The following ADGRG6 variants were observed in gnomAD, a reference collection of about 807,000 sequenced individuals.
ADGRG6 encodes the protein adhesion G protein-coupled receptor G6, also known as G-protein coupled receptor 126.
In ADGRG6, 84 loss-of-function variants were observed where a neutral mutation model predicts 142.4. That is an observed-to-expected ratio of 0.59 (90% confidence interval 0.49 to 0.71). ADGRG6 has a LOEUF of 0.71. Among genes scored for constraint, ADGRG6 ranks in the 30% least tolerant of loss-of-function variants. The probability of loss-of-function intolerance (pLI) is 0.00; values close to 1 mark genes in which losing one functional copy is unlikely to be tolerated. For missense variants in ADGRG6, 1,367 were observed against 1,466.6 expected (o/e 0.93, Z 1.11); for synonymous variants, 521 against 520.5 (o/e 1.00, Z -0.01).
chr6:142,431,121 ATC>A (rs1777186170), intron 22 of ADGRG6, among the ~76,000 whole-genome samples: 1 of 151,828 alleles, frequency 6.6e-6, no homozygotes, highest in South Asian at 2.1e-4. Context: ...CTAAGCATAT[ATC>A]TCTGATTAGT....
intron 2 of ADGRG6, among the ~76,000 whole-genome samples, chr6:142,327,564 A>G (rs1175072034): frequency 6.6e-6 from 1 of 151,866 alleles, no homozygotes; most frequent in Non-Finnish European, 1.5e-5. Context: ...TAGCACCAGA[A>G]CTCTTCTACC....
chr6:142,351,876 T>C (rs983070119), intron 2 of ADGRG6, among the ~76,000 whole-genome samples: 2 of 152,170 alleles, frequency 1.3e-5, no homozygotes, highest in African/African-American at 4.8e-5. Flanking sequence ...TACTCATCAC[T>C]AATCATTAGA....
chr6:142,302,382 A>G, intron 1 of ADGRG6, 51 bp downstream of exon 1: 1 of 1,597,992 alleles, frequency 6.3e-7, no homozygotes, highest in Non-Finnish European at 8.5e-7. Context: ...ATCTGTGTCC[A>G]CCTTCTGTCG....
At chr6:142,408,118 A>T in intron 15 of ADGRG6, 32 bp from the exon 16 acceptor site, 1 of 1,513,834 alleles carries the variant, frequency 6.6e-7, no homozygotes, top group Non-Finnish European at 8.9e-7. Flanking sequence ...TGTACTTCTG[A>T]CTGATACACG....
chr6:142,372,974 T>A (rs1781325825), intron 4 of ADGRG6, among the ~76,000 whole-genome samples: 2 of 152,220 alleles, frequency 1.3e-5, no homozygotes, highest in African/African-American at 4.8e-5. Flanking sequence ...ATACTTATAT[T>A]TAAATTGAAC....
intron 2 of ADGRG6, among the ~76,000 whole-genome samples, chr6:142,343,891 C>G (rs1779775300): frequency 6.6e-6 from 1 of 151,888 alleles, no homozygotes; most frequent in African/African-American, 2.4e-5. Flanking sequence ...AACATTAAGA[C>G]TTAGAAAACT....
rs755243417 is a variant in ADGRG6, at chr6:142,403,839, G to C, written c.1993G>C (p.Asp665His). The stretch of plus-strand genomic sequence containing the variant: ...AATTGATGAATTGGCCTTCAAGATA[G>C]ACCTAAATAGCACATCACATGTGAA... ...KTIDELAFKIDLNSTSHVNIT... is the reference protein window; with the variant it reads ...KTIDELAFKIHLNSTSHVNIT... Residue 665 changes from aspartate (D) to histidine (H), a missense_variant, in exon 14 of 25, where the codon GAC becomes CAC. Coordinates refer to ENST00000367609, the MANE Select transcript of ADGRG6 (RefSeq NM_198569.3). 8.1e-6 allele frequency: 13 copies of C among 1,605,266 alleles called. No individual in the cohort carries two copies. Among genetic ancestry groups the C allele is most frequent in the East Asian group, 4.5e-5 (2 of 44,736 alleles).
intron 2 of ADGRG6, among the ~76,000 whole-genome samples, chr6:142,360,743 C>T (rs1265195243): frequency 2.0e-5 from 3 of 152,132 alleles, no homozygotes; most frequent in Non-Finnish European, 1.5e-5. Flanking sequence ...ACTGAAACTC[C>T]ACCTCCTGGG....
chr6:142,412,147 T>A (rs1461486865), intron 18 of ADGRG6, among the ~76,000 whole-genome samples: 1 of 152,222 alleles, frequency 6.6e-6, no homozygotes, highest in Non-Finnish European at 1.5e-5. Flanking sequence ...ATCCAGCGAC[T>A]TCTTTGAACT....
intron 4 of ADGRG6, among the ~76,000 whole-genome samples, chr6:142,374,434 A>C (rs183056650): frequency 6.6e-6 from 1 of 152,162 alleles, no homozygotes; most frequent in Non-Finnish European, 1.5e-5. Context: ...GAAGTTTTGG[A>C]TTTTTCTGGT....
At chr6:142,325,336 A>G (rs1371460851) in intron 2 of ADGRG6, among the ~76,000 whole-genome samples, 1 of 152,064 alleles carries the variant, frequency 6.6e-6, no homozygotes, top group Admixed American at 6.6e-5. Flanking sequence ...AGCTTCCACC[A>G]AGCTCCACCT....
At chr6:142,382,489 T>C (rs564668977) in intron 5 of ADGRG6, among the ~76,000 whole-genome samples, 24 of 152,330 alleles carry the variant, frequency 1.6e-4, no homozygotes, top group African/African-American at 5.8e-4. Flanking sequence ...AAGATTAAAA[T>C]GGTTATAGTG....
intron 22 of ADGRG6, among the ~76,000 whole-genome samples, chr6:142,428,479 A>C (rs962881351): frequency 6.6e-6 from 1 of 152,100 alleles, no homozygotes; most frequent in Non-Finnish European, 1.5e-5. Context: ...TAATTTTACT[A>C]ACAGTATTAG....
rs1777873785 is a variant in ADGRG6 at position 142,443,941 on chromosome 6, A to G, written c.*426A>G. 6.5e-6 allele frequency: 1 copy of G among 153,014 alleles called. No homozygotes were observed. The highest frequency in any genetic ancestry group is 2.4e-5 in the African/African-American group (1 of 41,446). The allele number at this position is 153,014 out of a possible 1,614,324, so 9.5% of individuals were successfully genotyped here. A position where few individuals can be genotyped will look rare whatever the true frequency, so the allele number is the denominator to read the frequency against. ...TTTCTCAACAATAAAAAATGTAACT[A>G]TTTTGAATGCCCACAAATCCCATTC... On this transcript the variant is annotated 3_prime_UTR_variant, in exon 25 of 25. Transcript: ENST00000367609.
At chr6:142,336,320 G>T (rs1779313933) in intron 2 of ADGRG6, among the ~76,000 whole-genome samples, 2 of 152,332 alleles carry the variant, frequency 1.3e-5, no homozygotes, top group South Asian at 4.1e-4. Flanking sequence ...ATACTGTTAT[G>T]TGTGCAGTAA....
chr6:142,364,760 A>G (rs1030396060), intron 2 of ADGRG6, among the ~76,000 whole-genome samples: 2 of 152,192 alleles, frequency 1.3e-5, no homozygotes, highest in Non-Finnish European at 2.9e-5. Context: ...CAGTAATTTC[A>G]GTACTTCTGG....
intron 20 of ADGRG6, among the ~76,000 whole-genome samples, chr6:142,416,765 A>G (rs1029281972): frequency 1.3e-5 from 2 of 152,196 alleles, no homozygotes; most frequent in African/African-American, 4.8e-5. Flanking sequence ...GCATTTCCCC[A>G]CTGAAATATA....
Position 142,370,769 on chromosome 6 carries a change from A to G in ADGRG6, c.1045A>G (p.Lys349Glu). Residue 349 changes from lysine (K) to glutamate (E), a missense_variant, in exon 4 of 25, where the codon AAA (lysine) becomes GAA (glutamate). Transcript: ENST00000367609. ...DFWNIPNLAL[K>E]AESNLSCGSY... ...CTGGAATATCCCAAACCTAGCTCTG[A>G]AAGCTGAAAGCAACCTAAGCTGTGG... is the stretch of plus-strand genomic sequence containing the variant. 6.2e-7 allele frequency: 1 copy of G among 1,613,786 alleles called. No individual in the cohort carries two copies. Among genetic ancestry groups the G allele is most frequent in the South Asian group, 1.1e-5 (1 of 91,072 alleles).
At chr6:142,331,159 T>A (rs1167281046) in intron 2 of ADGRG6, among the ~76,000 whole-genome samples, 1 of 151,658 alleles carries the variant, frequency 6.6e-6, no homozygotes, top group Non-Finnish European at 1.5e-5. Flanking sequence ...ACTATCAAAC[T>A]AGTGTTTTTC....
Sources: gnomAD v4.1 joint callset for allele counts (sites outside exome capture counted in the v4.1 genomes callset) on GRCh38, gnomAD v4.1.1 for gene constraint, MANE v1.5 for transcripts, NCBI Gene and HGNC (gene_info 2026-07-23, HGNC 2026-07-21) for gene names.